The following ABCC1 variants were observed in gnomAD, a reference collection of about 807,000 sequenced individuals.
ABCC1 encodes multidrug resistance-associated protein 1.
In ABCC1, 83 loss-of-function variants were observed where a neutral mutation model predicts 172.9. The observed-to-expected ratio is 0.48, with a 90% confidence interval of 0.40 to 0.58. The LOEUF (loss-of-function observed/expected upper bound fraction) is 0.58, where lower values mean the gene tolerates loss of function less well. Among genes scored for constraint, ABCC1 ranks in the 20% least tolerant of loss-of-function variants. ABCC1 has a pLI of 0.00. For missense variants in ABCC1, 1,817 were observed against 2,002.7 expected, an observed-to-expected ratio of 0.91 and a Z score of 1.77; for synonymous variants, 937 against 825.2, an observed-to-expected ratio of 1.14 and a Z score of -2.32.
At chr16:16,009,305 T>C (rs2151731478) in intron 2 of ABCC1, among the ~76,000 whole-genome samples, 1 of 152,032 alleles carries the variant, frequency 6.6e-6, no homozygotes. Context: ...TGAGCTTTTG[T>C]TCTCTCTCTC....
At chr16:16,039,235 A>G (rs28662320) in intron 7 of ABCC1, among the ~76,000 whole-genome samples, 21,946 of 102,284 alleles carry the variant, frequency 0.21, 2,287 homozygotes, top group East Asian at 0.39. Flanking sequence ...GTGTGTGTGT[A>G]TGTATGTGTG....
rs937554004 is a variant in ABCC1, at chr16:16,142,892, A to C, written c.*1611A>C. On this transcript the variant is annotated 3_prime_UTR_variant, in exon 31 of 31. Transcript: ENST00000399410. ...TGCTAAGAATTACGCCGCCGACTTCAAACCCAGAGAGCATCTTTCTTTTAG... is the reference window on the plus strand; with the variant it reads ...TGCTAAGAATTACGCCGCCGACTTCCAACCCAGAGAGCATCTTTCTTTTAG... 2 of 152,666 alleles carry C rather than the reference A, an allele frequency of 1.3e-5. No individual in the cohort carries two copies. The highest frequency in any genetic ancestry group is 2.9e-5 in the Non-Finnish European group (2 of 68,052). 9.5% of individuals were successfully genotyped at this position (152,666 alleles called of 1,614,324 possible).
At chr16:16,138,910 A>T (rs1477474679) in intron 30 of ABCC1, among the ~76,000 whole-genome samples, 2 of 152,084 alleles carry the variant, frequency 1.3e-5, no homozygotes, top group South Asian at 2.1e-4. Flanking sequence ...GGGTTTTGCC[A>T]TGTTGGCCAG....
chr16:16,088,124 C>CGTGTGT (rs60633005), intron 18 of ABCC1, among the ~76,000 whole-genome samples: 1,900 of 126,828 alleles, frequency 0.015, 17 homozygotes, highest in Middle Eastern at 0.04. Context: ...TGTGTGTATG[C>CGTGTGT]GTGTGTGTGT....
chr16:16,034,654 C>T (rs1016891281), intron 6 of ABCC1, among the ~76,000 whole-genome samples: 6 of 147,462 alleles, frequency 4.1e-5, no homozygotes, highest in African/African-American at 5.1e-5. Flanking sequence ...GTGGCAGGAC[C>T]TCAGCTCTCT....
In ABCC1 at chr16:16,142,385, A is replaced by G. The variant is rs2046156149; in HGVS notation, c.*1104A>G. 6.6e-6 allele frequency: 1 copy of G among 152,204 alleles called. No individual in the cohort carries two copies. The highest frequency in any genetic ancestry group is 6.5e-5 in the Admixed American group (1 of 15,280). The allele number at this position is 152,204 out of a possible 1,614,324, so 9.4% of individuals were successfully genotyped here. Reference sequence around the variant, plus strand: ...CCTCTCATGGTACCTGCTCATGGTTATGAAGCTTTCAAAGTAAAGAACACG... The same window carrying G: ...CCTCTCATGGTACCTGCTCATGGTTGTGAAGCTTTCAAAGTAAAGAACACG... On this transcript the variant is annotated 3_prime_UTR_variant, in exon 31 of 31. Transcript: ENST00000399410.
rs111364527 is a variant in ABCC1 at position 15,968,758 on chromosome 16, T to G, written c.48+18959T>G. Among the ~76,000 whole-genome samples the G allele has an allele frequency of 6.2e-3, 939 of 152,300 alleles. 10 individuals carry two copies. Among genetic ancestry groups the G allele is most frequent in the African/African-American group, 0.02 (834 of 41,564 alleles). ...GTGTATTTTGAGACAGGATCTCCTC[T>G]GTTGCTCAGGGTGGAGTGCAGGGGC... On this transcript the variant is annotated intron_variant, in intron 1 of 30. Transcript: ENST00000399410.
At chr16:16,025,995 C>CT (rs1210316282) in intron 5 of ABCC1, among the ~76,000 whole-genome samples, 1 of 152,156 alleles carries the variant, frequency 6.6e-6, no homozygotes, top group African/African-American at 2.4e-5. Context: ...AAAGATTCTC[C>CT]TTGGTTTGGG....
chr16:16,132,640 G>A (rs150134862), intron 27 of ABCC1, among the ~76,000 whole-genome samples: 10 of 144,904 alleles, frequency 6.9e-5, no homozygotes, highest in African/African-American at 2.5e-4. Context: ...TCCTGCCTTA[G>A]CCTCCCGAGT....
In ABCC1 at chr16:15,984,795, T is replaced by C. The variant is rs142237953; in HGVS notation, c.49-23021T>C. On this transcript the variant is annotated intron_variant, in intron 1 of 30. Transcript: ENST00000399410. Reference sequence around the variant, plus strand: ...ACACGCATGCATACGTACACACATATATATTTTTTAAAAATTGAGTCATGG... The same window carrying C: ...ACACGCATGCATACGTACACACATACATATTTTTTAAAAATTGAGTCATGG... Among the ~76,000 whole-genome samples the C allele has an allele frequency of 2.0e-3, 309 of 152,286 alleles. 1 individual carries two copies. Among genetic ancestry groups the C allele is most frequent in the Middle Eastern group, 6.8e-3 (2 of 294 alleles).
Position 16,124,851 on chromosome 16 carries a change from C to T in ABCC1, c.3653C>T (p.Ala1218Val), listed in dbSNP as rs201585228. ...NCIVLFAALFAVISRHSLSAG... is the reference protein window; with the variant it reads ...NCIVLFAALFVVISRHSLSAG... ...ATCGTTCTGTTTGCTGCCCTGTTTGCGGTGATCTCCAGGCACAGCCTCAGT... is the reference window on the plus strand; with the variant it reads ...ATCGTTCTGTTTGCTGCCCTGTTTGTGGTGATCTCCAGGCACAGCCTCAGT... Residue 1218 changes from alanine (A) to valine (V), a missense_variant, in exon 25 of 31, where the codon GCG (alanine) becomes GTG (valine). Physicochemically the swap from Ala to Val is moderately conservative, Grantham distance 64. Around this residue, in one of 3 missense-constraint regions of ABCC1, gnomAD observed 1,412 missense variants for 1,600.3 expected, o/e 0.88. Transcript: ENST00000399410. 5.7e-5 allele frequency: 92 copies of T among 1,614,198 alleles called. 1 individual carries two copies. The highest frequency in any genetic ancestry group is 3.3e-4 in the Admixed American group (20 of 60,026).
At chr16:16,032,413 CTGA>C (rs1306849487) in intron 5 of ABCC1, among the ~76,000 whole-genome samples, 1 of 152,174 alleles carries the variant, frequency 6.6e-6, no homozygotes, top group Middle Eastern at 3.2e-3. Flanking sequence ...GCAGGTATTA[CTGA>C]TGATTACTGC....
At chr16:15,995,393 A>T (rs1237718865) in intron 1 of ABCC1, among the ~76,000 whole-genome samples, 3 of 152,170 alleles carry the variant, frequency 2.0e-5, no homozygotes, top group Non-Finnish European at 4.4e-5. Flanking sequence ...CTGAAATGTC[A>T]TCTTGGCCCA....
intron 29 of ABCC1, among the ~76,000 whole-genome samples, chr16:16,137,346 T>A (rs1397946019): frequency 6.6e-6 from 1 of 151,994 alleles, no homozygotes. Flanking sequence ...TCCCTCATTC[T>A]CCAGCAGACC....
rs923079823 is a variant in ABCC1 at position 16,102,510 on chromosome 16, A to G, written c.2645-117A>G. Reference sequence around the variant, plus strand: ...AGAGCAGGTCTCCTACTTTCTGATCATCCTGGCGGCCAGGTGCTCTGTGGT... The same window carrying G: ...AGAGCAGGTCTCCTACTTTCTGATCGTCCTGGCGGCCAGGTGCTCTGTGGT... On this transcript the variant is annotated intron_variant, in intron 19 of 30. Coordinates refer to ENST00000399410, the MANE Select transcript of ABCC1 (RefSeq NM_004996.4). 8 of 870,534 alleles carry G rather than the reference A, an allele frequency of 9.2e-6. No individual in the cohort carries two copies. The Admixed American group carries it at 1.5e-4, about 17-fold the overall frequency. The allele number at this position is 870,534 out of a possible 1,614,324, so 53.9% of individuals were successfully genotyped here. A position where few individuals can be genotyped will look rare whatever the true frequency, so the allele number is the denominator to read the frequency against.
intron 24 of ABCC1, 76 bp from the exon 25 acceptor site, chr16:16,124,713 T>TC: frequency 6.3e-7 from 1 of 1,595,640 alleles, no homozygotes; most frequent in South Asian, 1.1e-5. Context: ...ATCCCCTTCC[T>TC]CCCCCAAGAG....
In ABCC1 at chr16:16,096,618, G is replaced by A. The variant is rs28364003; in HGVS notation, c.2645-6009G>A. The stretch of plus-strand genomic sequence containing the variant: ...GTCAGTGAGGCAGCCAGTGAATGCC[G>A]TTTTTGGTCAAAAATGAGGCGTTGA... On this transcript the variant is annotated intron_variant, in intron 19 of 30. Coordinates refer to ENST00000399410, the MANE Select transcript of ABCC1 (RefSeq NM_004996.4). Among the ~76,000 whole-genome samples, 35 of 152,268 alleles carry A rather than the reference G, an allele frequency of 2.3e-4. 1 individual carries two copies. The South Asian group carries it at 5.8e-3, about 25-fold the overall frequency.
rs45465596 is a variant in ABCC1 at position 16,067,664 on chromosome 16, A to G, written c.1678-492A>G. On this transcript the variant is annotated intron_variant, in intron 12 of 30. Transcript: ENST00000399410. ...TTATTTTTAAGCTGTATGACCTTCC[A>G]GGAAGTAACAATGAAATGGCAGTGC... Among the ~76,000 whole-genome samples, 105 of 152,328 alleles carry G rather than the reference A, an allele frequency of 6.9e-4. 2 individuals carry two copies. The East Asian group carries it at 0.02, about 29-fold the overall frequency.
intron 30 of ABCC1, among the ~76,000 whole-genome samples, chr16:16,140,461 A>G (rs577631755): frequency 6.6e-6 from 1 of 152,214 alleles, no homozygotes; most frequent in East Asian, 1.9e-4. Context: ...CAGCCTTCCA[A>G]AGTGCTGGGA....
Sources: allele counts gnomAD v4.1 joint callset (sites outside exome capture counted in the v4.1 genomes callset), GRCh38; gene constraint gnomAD v4.1.1; regional missense constraint gnomAD v4.1.1; transcripts MANE v1.5; gene names NCBI Gene and HGNC (gene_info 2026-07-23, HGNC 2026-07-21).